Variants in CDH13 observed in about 807,000 individuals in gnomAD.
CDH13 encodes cadherin 13.
Under a neutral mutation model 63.8 loss-of-function variants are expected in CDH13, and 24 were observed. The ratio of observed to expected loss-of-function variants is 0.38; its 90% CI spans 0.27 to 0.53. CDH13 has a LOEUF of 0.53. CDH13 is among the 20% of genes least tolerant of loss of function. The pLI is 0.85. For missense variants in CDH13, 1,049 were observed against 903.1 expected (o/e 1.16, Z -2.07); for synonymous variants, 503 against 355.3 (o/e 1.42, Z -4.67).
intron 2 of CDH13, chr16:82,925,887 A>G (rs1478547706): frequency 6.6e-6 from 1 of 152,062 alleles, no homozygotes; most frequent in Non-Finnish European, 1.5e-5. Flanking sequence ...ATCTGTTGGA[A>G]CATTCTGTCT....
intron 1 of CDH13, among the ~76,000 whole-genome samples, chr16:82,809,068 G>T (rs968082992): frequency 6.6e-6 from 1 of 151,946 alleles, no homozygotes. Context: ...ATATGTGTTT[G>T]TATATCAGTG....
intron 2 of CDH13, among the ~76,000 whole-genome samples, chr16:82,949,004 T>C (rs771375264): frequency 1.3e-5 from 2 of 152,150 alleles, no homozygotes; most frequent in East Asian, 1.9e-4. Context: ...CAACTCTACA[T>C]TGTGAGAGAG....
chr16:83,176,873 A>G (rs148997344), intron 4 of CDH13, among the ~76,000 whole-genome samples: 5 of 152,108 alleles, frequency 3.3e-5, no homozygotes, highest in African/African-American at 1.2e-4. Context: ...GCCCTTAGTT[A>G]CCTTCCTCTC....
intron 2 of CDH13, among the ~76,000 whole-genome samples, chr16:82,906,994 C>T (rs2041667562): frequency 6.6e-6 from 1 of 152,178 alleles, no homozygotes; most frequent in Non-Finnish European, 1.5e-5. Flanking sequence ...AGGTTGCATT[C>T]TGAGGTTCTG....
In CDH13 at chr16:82,736,620, C is replaced by T. The variant is rs573037587; in HGVS notation, c.45+109483C>T. On this transcript the variant is annotated intron_variant, in intron 1 of 13. Transcript: ENST00000567109. ...TTCATTTTGTGATGGTATTTTTTTCCTCTCTCCGCTAGCTTAAATCTGTTC... is the reference window on the plus strand; with the variant it reads ...TTCATTTTGTGATGGTATTTTTTTCTTCTCTCCGCTAGCTTAAATCTGTTC... Among the ~76,000 whole-genome samples the T allele has an allele frequency of 3.9e-4, 59 of 152,112 alleles. 1 individual carries two copies. Among genetic ancestry groups the T allele is most frequent in the Non-Finnish European group, 8.5e-4 (58 of 67,978 alleles).
intron 5 of CDH13, among the ~76,000 whole-genome samples, chr16:83,259,223 T>G (rs570664542): frequency 2.0e-5 from 3 of 152,322 alleles, no homozygotes; most frequent in Admixed American, 6.5e-5. Flanking sequence ...TGTTTTCCTC[T>G]CTGAGCTTCA....
chr16:83,188,554 T>G (rs979619772), intron 4 of CDH13, among the ~76,000 whole-genome samples: 6 of 152,128 alleles, frequency 3.9e-5, no homozygotes, highest in Admixed American at 1.3e-4. Flanking sequence ...GGGATTTGCT[T>G]AAAGCCCCAT....
At chr16:83,455,686 T>A (rs1329787226) in intron 6 of CDH13, among the ~76,000 whole-genome samples, 3 of 152,138 alleles carry the variant, frequency 2.0e-5, no homozygotes, top group Non-Finnish European at 4.4e-5. Flanking sequence ...CTCTTCAGAA[T>A]CCTATATGTC....
chr16:82,737,020 A>T (rs372588772), intron 1 of CDH13, among the ~76,000 whole-genome samples: 2 of 152,170 alleles, frequency 1.3e-5, no homozygotes, highest in East Asian at 3.9e-4. Flanking sequence ...AGTGATTCTT[A>T]AAAATATTCT....
At chr16:83,175,897 C>T (rs2038102356) in intron 4 of CDH13, among the ~76,000 whole-genome samples, 2 of 143,380 alleles carry the variant, frequency 1.4e-5, no homozygotes, top group African/African-American at 2.6e-5. Flanking sequence ...GGCGCGATCT[C>T]GGCTCACCGC....
At chr16:83,086,391 A>C (rs182538211) in intron 3 of CDH13, among the ~76,000 whole-genome samples, 8 of 152,266 alleles carry the variant, frequency 5.3e-5, no homozygotes, top group African/African-American at 1.9e-4. Context: ...CTAATCTGTA[A>C]AAGGGGATAA....
intron 7 of CDH13, among the ~76,000 whole-genome samples, chr16:83,527,128 C>CT (rs1387317212): frequency 1.9e-5 from 2 of 103,934 alleles, no homozygotes; most frequent in Non-Finnish European, 4.5e-5. Context: ...AAGACTCTGT[C>CT]TCAAAAAAAA....
In CDH13 at chr16:82,837,031, A is replaced by G. The variant is rs561121689; in HGVS notation, c.46-21331A>G. ...TGAATGAGCTTTGCTGGAGCATCTC[A>G]TGATAAAATAGATTAAAGTCTTAAA... On this transcript the variant is annotated intron_variant, in intron 1 of 13. Coordinates refer to ENST00000567109, the MANE Select transcript of CDH13 (RefSeq NM_001257.5). Among the ~76,000 whole-genome samples, 31 of 152,358 alleles carry G rather than the reference A, an allele frequency of 2.0e-4. 1 individual carries two copies. In the South Asian group the frequency reaches 6.0e-3, roughly 30 times the overall value.
chr16:83,785,393 G>A (rs907027651), intron 13 of CDH13, among the ~76,000 whole-genome samples: 3 of 152,118 alleles, frequency 2.0e-5, no homozygotes, highest in Non-Finnish European at 4.4e-5. Context: ...TCCCATCCAT[G>A]AGGACACTGA....
intron 3 of CDH13, among the ~76,000 whole-genome samples, chr16:83,084,797 A>G (rs2033477667): frequency 6.6e-6 from 1 of 152,330 alleles, no homozygotes; most frequent in South Asian, 2.1e-4. Flanking sequence ...CTGAGGCAGG[A>G]GAATCCCTTG....
chr16:82,683,158 A>C (rs1212551748), intron 1 of CDH13, among the ~76,000 whole-genome samples: 1 of 152,210 alleles, frequency 6.6e-6, no homozygotes, highest in African/African-American at 2.4e-5. Context: ...CGTAGATCAG[A>C]AGATGTCGCC....
In CDH13 at chr16:83,074,459, A is replaced by G. The variant is rs148766181; in HGVS notation, c.366+42241A>G. Reference sequence around the variant, plus strand: ...CGTAGATAGTGCTACAATAAACATTAGGGTGCATGTATCCCTTTGATAGAC... The same window carrying G: ...CGTAGATAGTGCTACAATAAACATTGGGGTGCATGTATCCCTTTGATAGAC... On this transcript the variant is annotated intron_variant, in intron 3 of 13. Coordinates refer to ENST00000567109, the MANE Select transcript of CDH13 (RefSeq NM_001257.5). Among the ~76,000 whole-genome samples the G allele has an allele frequency of 3.8e-3, 578 of 152,322 alleles. 6 individuals carry two copies. The highest frequency in any genetic ancestry group is 0.013 in the African/African-American group (547 of 41,578).
At chr16:83,058,940 T>C (rs1223954283) in intron 3 of CDH13, among the ~76,000 whole-genome samples, 2 of 152,196 alleles carry the variant, frequency 1.3e-5, no homozygotes, top group African/African-American at 4.8e-5. Context: ...AACCTCTTGT[T>C]ATGTGCAAAT....
chr16:83,631,379 G>A (rs1469997738), intron 8 of CDH13, among the ~76,000 whole-genome samples: 1 of 152,032 alleles, frequency 6.6e-6, no homozygotes, highest in Non-Finnish European at 1.5e-5. Flanking sequence ...TCTTTCGGTG[G>A]CCCTGTTGCT....
Sources: gnomAD v4.1 joint callset for allele counts (sites outside exome capture counted in the v4.1 genomes callset) on GRCh38, gnomAD v4.1.1 for gene constraint, MANE v1.5 for transcripts, NCBI Gene and HGNC (gene_info 2026-07-23, HGNC 2026-07-21) for gene names.